Variants in CNTNAP4 observed in about 807,000 individuals in gnomAD.
The protein encoded by CNTNAP4 is contactin associated protein family member 4, also known as contactin-associated protein-like 4.
CNTNAP4 carries 98 observed loss-of-function variants against 148.4 expected under a neutral mutation model. That is an observed-to-expected ratio of 0.66 (90% CI 0.56 to 0.78). The LOEUF (loss-of-function observed/expected upper bound fraction) is 0.78, where lower values mean the gene tolerates loss of function less well. Ranked by LOEUF, CNTNAP4 falls within the 30% of genes least tolerant of loss-of-function variation. The pLI is 0.00. For missense variants in CNTNAP4, 1,935 were observed against 1,565.6 expected (o/e 1.24, Z -3.98); for synonymous variants, 730 against 565.1 (o/e 1.29, Z -4.14).
chr16:76,460,773 A>AATATATAT (rs150425968), intron 8 of CNTNAP4, among the ~76,000 whole-genome samples: 2 of 57,328 alleles, frequency 3.5e-5, no homozygotes, highest in Non-Finnish European at 6.6e-5. Flanking sequence ...AAAAAAAAAA[A>AATATATAT]ATATATATAT....
intron 2 of CNTNAP4, among the ~76,000 whole-genome samples, chr16:76,325,892 GT>G (rs1243525630): frequency 6.6e-6 from 1 of 151,916 alleles, no homozygotes; most frequent in Non-Finnish European, 1.5e-5. Context: ...TTGAAAAAAT[GT>G]TTCAAAAACA....
At chr16:76,294,359 C>A (rs1037246170) in intron 1 of CNTNAP4, among the ~76,000 whole-genome samples, 1 of 152,102 alleles carries the variant, frequency 6.6e-6, no homozygotes, top group African/African-American at 2.4e-5. Flanking sequence ...CAATAAATAA[C>A]CAGTAATATC....
At chr16:76,350,195 C>T (rs867932220) in intron 2 of CNTNAP4, among the ~76,000 whole-genome samples, 13 of 151,976 alleles carry the variant, frequency 8.6e-5, no homozygotes, top group Middle Eastern at 3.4e-3. Context: ...GTAATTACTC[C>T]AGGGGTAAAG....
chr16:76,475,881 C>G, intron 10 of CNTNAP4, 58 bp from the exon 11 acceptor site: 2 of 1,187,214 alleles, frequency 1.7e-6, no homozygotes, highest in East Asian at 4.7e-5. Flanking sequence ...TATAAATGGT[C>G]AATACTTTAA....
chr16:76,549,126 G>A (rs1406825974), intron 21 of CNTNAP4, among the ~76,000 whole-genome samples: 3 of 152,050 alleles, frequency 2.0e-5, no homozygotes, highest in Non-Finnish European at 4.4e-5. Flanking sequence ...CTACCTTCTG[G>A]GTTGGAAGGA....
chr16:76,384,807 A>G (rs1023046943), intron 3 of CNTNAP4, among the ~76,000 whole-genome samples: 2 of 152,210 alleles, frequency 1.3e-5, no homozygotes, highest in Non-Finnish European at 2.9e-5. Context: ...ACTACAGTTA[A>G]TTATCCATAT....
At chr16:76,401,698 A>G (rs2078423522) in intron 3 of CNTNAP4, among the ~76,000 whole-genome samples, 1 of 152,118 alleles carries the variant, frequency 6.6e-6, no homozygotes, top group Admixed American at 6.5e-5. Context: ...GATAGCTTTT[A>G]TTTTGAAGTA....
At chr16:76,549,167 G>T (rs922928788) in intron 21 of CNTNAP4, among the ~76,000 whole-genome samples, 2 of 152,108 alleles carry the variant, frequency 1.3e-5, no homozygotes, top group South Asian at 2.1e-4. Context: ...AGAATCTCAG[G>T]GGGGGATTTG....
intron 2 of CNTNAP4, among the ~76,000 whole-genome samples, chr16:76,325,449 C>G (rs1597199597): frequency 6.6e-6 from 1 of 151,990 alleles, no homozygotes; most frequent in Non-Finnish European, 1.5e-5. Context: ...TGAAATCATA[C>G]AGAGTAAGTG....
chr16:76,312,692 T>C (rs147531355), intron 1 of CNTNAP4, among the ~76,000 whole-genome samples: 342 of 152,264 alleles, frequency 2.2e-3, no homozygotes, highest in African/African-American at 7.9e-3. Flanking sequence ...ATAATAATTA[T>C]AGTCATGGTA....
intron 1 of CNTNAP4, among the ~76,000 whole-genome samples, chr16:76,312,220 C>G (rs1961201133): frequency 6.6e-6 from 1 of 152,182 alleles, no homozygotes; most frequent in Admixed American, 6.6e-5. Flanking sequence ...AACAGCACCC[C>G]TGGATTCAAC....
At chr16:76,415,375 T>G (rs1327032703) in intron 3 of CNTNAP4, among the ~76,000 whole-genome samples, 1 of 151,136 alleles carries the variant, frequency 6.6e-6, no homozygotes, top group Non-Finnish European at 1.5e-5. Context: ...AAAATGAGCA[T>G]ATCTAACATA....
chr16:76,284,375 A>G (rs1958801840), intron 1 of CNTNAP4, among the ~76,000 whole-genome samples: 1 of 151,948 alleles, frequency 6.6e-6, no homozygotes, highest in Non-Finnish European at 1.5e-5. Context: ...TGCTAATATC[A>G]GTTTGATTTT....
chr16:76,460,769 A>ATAAAT (rs1461987722), intron 8 of CNTNAP4, among the ~76,000 whole-genome samples: 1 of 35,094 alleles, frequency 2.8e-5, no homozygotes, highest in Non-Finnish European at 7.0e-5. Context: ...AAAAAAAAAA[A>ATAAAT]AAAAATATAT....
intron 12 of CNTNAP4, among the ~76,000 whole-genome samples, chr16:76,486,972 G>A (rs1244449970): frequency 6.6e-6 from 1 of 152,176 alleles, no homozygotes; most frequent in Admixed American, 6.5e-5. Flanking sequence ...GAGGTCCTCT[G>A]TGTCTGTTAG....
intron 8 of CNTNAP4, among the ~76,000 whole-genome samples, chr16:76,460,743 A>T (rs2080915151): frequency 9.3e-6 from 1 of 107,694 alleles, no homozygotes; most frequent in Non-Finnish European, 1.8e-5. Context: ...ACAGAGCCAG[A>T]CTCATGTCTC....
chr16:76,533,958 T>C (rs2084103775), intron 17 of CNTNAP4, among the ~76,000 whole-genome samples: 1 of 152,244 alleles, frequency 6.6e-6, no homozygotes. Flanking sequence ...GTTATAGCTA[T>C]GAATCTGAAT....
chr16:76,457,208 T>A (rs2080768974), intron 8 of CNTNAP4, among the ~76,000 whole-genome samples: 1 of 152,174 alleles, frequency 6.6e-6, no homozygotes, highest in African/African-American at 2.4e-5. Flanking sequence ...TCAGACCTAG[T>A]AACGGAAAGG....
At chr16:76,293,819 CTTTTTT>C (rs1209734206) in intron 1 of CNTNAP4, among the ~76,000 whole-genome samples, 42 of 137,352 alleles carry the variant, frequency 3.1e-4, no homozygotes, top group African/African-American at 1.1e-3. Flanking sequence ...GAACAAGCTG[CTTTTTT>C]TTTTTTTTTT....
Sources: gnomAD v4.1 joint callset for allele counts (sites outside exome capture counted in the v4.1 genomes callset) on GRCh38, gnomAD v4.1.1 for gene constraint, MANE v1.5 for transcripts, NCBI Gene and HGNC (gene_info 2026-07-23, HGNC 2026-07-21) for gene names.